SCAPER: variants seen among roughly 807,000 people sequenced by gnomAD.
SCAPER encodes S-phase cyclin A associated protein in the ER.
A neutral mutation model predicts 182.2 loss-of-function variants in SCAPER; 98 were observed. The observed-to-expected ratio is 0.54, with a 90% CI of 0.46 to 0.64. SCAPER has a LOEUF of 0.64. Among genes scored for constraint, SCAPER ranks in the 30% least tolerant of loss-of-function variants. The pLI is 0.00. For missense variants in SCAPER, 1,432 were observed against 1,690.0 expected (o/e 0.85, Z 2.68); for synonymous variants, 605 against 564.6 (o/e 1.07, Z -1.01).
chr15:76,793,970 G>A (rs2065161276), intron 8 of SCAPER, among the ~76,000 whole-genome samples: 2 of 152,210 alleles, frequency 1.3e-5, no homozygotes, highest in Admixed American at 1.3e-4. Flanking sequence ...AGAACTGATT[G>A]ATTGGTTGTT....
chr15:76,622,264 T>C (rs1283765627), intron 21 of SCAPER, among the ~76,000 whole-genome samples: 1 of 152,162 alleles, frequency 6.6e-6, no homozygotes, highest in Non-Finnish European at 1.5e-5. Flanking sequence ...TTGACTTAAT[T>C]TGTACATTTC....
intron 22 of SCAPER, among the ~76,000 whole-genome samples, chr15:76,590,217 G>A (rs1032707359): frequency 2.6e-5 from 4 of 152,266 alleles, no homozygotes; most frequent in South Asian, 2.1e-4. Flanking sequence ...TGCCATTTTC[G>A]AGTGTGACTA....
chr15:76,508,632 G>A (rs760166442), intron 23 of SCAPER, among the ~76,000 whole-genome samples: 1 of 152,036 alleles, frequency 6.6e-6, no homozygotes, highest in African/African-American at 2.4e-5. Flanking sequence ...GTTTTTATTT[G>A]CTGTTTCCTG....
intron 2 of SCAPER, among the ~76,000 whole-genome samples, chr15:76,875,546 G>A (rs1012414386): frequency 2.8e-4 from 42 of 152,318 alleles, no homozygotes; most frequent in Admixed American, 2.2e-3. Context: ...AGGAGGCTGA[G>A]GCATGAGAAT....
intron 11 of SCAPER, among the ~76,000 whole-genome samples, chr15:76,766,585 G>A (rs3102712): frequency 0.14 from 20,888 of 151,866 alleles, 1,498 homozygotes; most frequent in African/African-American, 0.19. Flanking sequence ...CAATCCTACC[G>A]CCTTGGCCTC....
In SCAPER at chr15:76,404,542, C is replaced by T; in HGVS notation, c.3449G>A (p.Cys1150Tyr). Residue 1150 changes from cysteine (C) to tyrosine (Y), a missense_variant, in exon 27 of 32, where the codon TGC becomes TAC. By Grantham distance (194) the Cys-to-Tyr change is radical. This residue lies in a region of SCAPER where 718 missense variants were observed against 799.7 expected (regional missense o/e 0.90). Transcript: ENST00000563290. The part of the protein sequence containing the change: ...AGLLHAMCTL[C>Y]FAVTGRSYSI... The stretch of plus-strand genomic sequence containing the variant: ...GCCTTACCTTCCAGTGACAGCAAAG[C>T]ACAGTGTACACATTGCATGTAAGAG... The T allele has an allele frequency of 5.0e-6, 8 of 1,608,868 alleles. No individual in the cohort carries two copies. Among genetic ancestry groups the T allele is most frequent in the Non-Finnish European group, 6.8e-6 (8 of 1,177,062 alleles).
chr15:76,863,514 A>C (rs534956787), intron 2 of SCAPER, among the ~76,000 whole-genome samples: 2 of 152,354 alleles, frequency 1.3e-5, no homozygotes, highest in African/African-American at 4.8e-5. Flanking sequence ...ATCAAGTAAG[A>C]GACTGAGGAG....
chr15:76,761,217 T>G (rs766923966), intron 14 of SCAPER, among the ~76,000 whole-genome samples: 4 of 152,168 alleles, frequency 2.6e-5, no homozygotes, highest in Non-Finnish European at 5.9e-5. Flanking sequence ...CTTTCGTTTC[T>G]AATTTATTTG....
chr15:76,463,881 T>G (rs1169727897), intron 25 of SCAPER, among the ~76,000 whole-genome samples: 1 of 152,120 alleles, frequency 6.6e-6, no homozygotes, highest in Non-Finnish European at 1.5e-5. Context: ...GTTCTGCCAC[T>G]AGGTAGCTCT....
chr15:76,597,692 A>C (rs189539417), intron 22 of SCAPER, among the ~76,000 whole-genome samples: 2 of 120,712 alleles, frequency 1.7e-5, no homozygotes, highest in African/African-American at 5.1e-5. Flanking sequence ...CAAAAACAAG[A>C]AATAGGGAAA....
intron 29 of SCAPER, among the ~76,000 whole-genome samples, chr15:76,370,641 T>A (rs1269687750): frequency 6.6e-6 from 1 of 152,166 alleles, no homozygotes; most frequent in Non-Finnish European, 1.5e-5. Context: ...ATTACAATAT[T>A]GTGCAACTGT....
At chr15:76,650,833 C>T (rs2054972971) in intron 21 of SCAPER, among the ~76,000 whole-genome samples, 1 of 151,984 alleles carries the variant, frequency 6.6e-6, no homozygotes, top group African/African-American at 2.4e-5. Context: ...CTTCTCTGAC[C>T]ACAGAAAATT....
intron 3 of SCAPER, 97 bp downstream of exon 3, chr15:76,862,319 G>T: frequency 1.5e-6 from 1 of 680,410 alleles, no homozygotes; most frequent in Non-Finnish European, 2.5e-6. Flanking sequence ...ATCAGCCCTA[G>T]AAGTCTAATT....
chr15:76,417,945 G>C (rs1232544474), intron 26 of SCAPER, among the ~76,000 whole-genome samples: 1 of 152,106 alleles, frequency 6.6e-6, no homozygotes, highest in South Asian at 2.1e-4. Context: ...TTGAACCCGG[G>C]AGGCGGAGGG....
At chr15:76,614,923 C>A (rs2051314029) in intron 22 of SCAPER, among the ~76,000 whole-genome samples, 1 of 152,074 alleles carries the variant, frequency 6.6e-6, no homozygotes, top group South Asian at 2.1e-4. Flanking sequence ...TGAAAGTGGG[C>A]ACATTACTAC....
intron 1 of SCAPER, among the ~76,000 whole-genome samples, chr15:76,899,529 C>T (rs1471126683): frequency 1.3e-5 from 2 of 152,242 alleles, no homozygotes; most frequent in Non-Finnish European, 2.9e-5. Flanking sequence ...CACCTCCCAG[C>T]CACCTGCCTT....
intron 1 of SCAPER, among the ~76,000 whole-genome samples, chr15:76,901,530 C>G (rs563083603): frequency 4.3e-4 from 66 of 152,208 alleles, no homozygotes; most frequent in South Asian, 3.3e-3. Context: ...TAATATTGCT[C>G]ATGTATAATA....
intron 26 of SCAPER, among the ~76,000 whole-genome samples, chr15:76,405,563 T>G (rs1596466745): frequency 6.6e-6 from 1 of 152,238 alleles, no homozygotes; most frequent in Non-Finnish European, 1.5e-5. Context: ...AGAAATCATT[T>G]CCATCTTTTC....
intron 25 of SCAPER, among the ~76,000 whole-genome samples, chr15:76,464,338 C>A (rs2049427679): frequency 6.6e-6 from 1 of 151,954 alleles, no homozygotes; most frequent in South Asian, 2.1e-4. Context: ...TGACAGAATT[C>A]CCTTCTTTTT....
Sources: gnomAD v4.1 joint callset for allele counts (sites outside exome capture counted in the v4.1 genomes callset) on GRCh38, gnomAD v4.1.1 for gene constraint, gnomAD v4.1.1 regional missense constraint, MANE v1.5 for transcripts, NCBI Gene and HGNC (gene_info 2026-07-23, HGNC 2026-07-21) for gene names.